Variants in RANBP2 observed in about 807,000 individuals in gnomAD.
The protein encoded by RANBP2 is RAN binding protein 2, also known as E3 SUMO-protein ligase RanBP2.
A neutral mutation model predicts 303.6 loss-of-function variants in RANBP2; 57 were observed. That is an observed-to-expected ratio of 0.19 (90% confidence interval 0.15 to 0.23). RANBP2 has a LOEUF of 0.23. Among genes scored for constraint, RANBP2 ranks in the 10% least tolerant of loss-of-function variants. The pLI is 1.00. For synonymous variants in RANBP2, 1,167 were observed against 1,301.5 expected, an observed-to-expected ratio of 0.90 and a Z score of 2.23; for missense variants, 3,138 against 3,780.8, an observed-to-expected ratio of 0.83 and a Z score of 4.46.
chr2:109,652,591 G>A, the RANBP2 span, among the ~76,000 whole-genome samples: 1 of 152,118 alleles, frequency 6.6e-6, no homozygotes, highest in African/African-American at 2.4e-5. Context: ...AGGAAGTCAC[G>A]TTTCACACGA....
the RANBP2 span, among the ~76,000 whole-genome samples, chr2:108,981,662 T>C: frequency 6.6e-6 from 1 of 152,040 alleles, no homozygotes; most frequent in Admixed American, 6.5e-5. Context: ...ACACCCGAGA[T>C]AGTTATGATA....
the RANBP2 span, among the ~76,000 whole-genome samples, chr2:109,596,296 A>G: frequency 6.6e-6 from 1 of 152,254 alleles, no homozygotes; most frequent in East Asian, 1.9e-4. Context: ...CTTAGTGTTG[A>G]TAAGTAAAAT....
At chr2:109,432,550 C>G in the RANBP2 span, 1 of 1,613,698 alleles carries the variant, frequency 6.2e-7, no homozygotes, top group African/African-American at 1.3e-5. Context: ...CGAGCTGGAG[C>G]TGCACAAGGG....
the RANBP2 span, among the ~76,000 whole-genome samples, chr2:109,223,805 A>G: frequency 1.4e-4 from 22 of 152,330 alleles, no homozygotes; most frequent in East Asian, 1.7e-3. Context: ...AAAGTGTTCA[A>G]TACATGTTTG....
chr2:108,773,087 C>A, intron 23 of RANBP2, 41 bp downstream of exon 23: 1 of 1,553,536 alleles, frequency 6.4e-7, no homozygotes, highest in Non-Finnish European at 8.8e-7. Context: ...AGTTCCATTG[C>A]CTTTGTTGAT....
At chr2:109,393,420 A>G in the RANBP2 span, among the ~76,000 whole-genome samples, 1 of 152,150 alleles carries the variant, frequency 6.6e-6, no homozygotes, top group Non-Finnish European at 1.5e-5. Context: ...AACAGCCCAC[A>G]CCTATTGAGC....
the RANBP2 span, among the ~76,000 whole-genome samples, chr2:109,259,940 A>G: frequency 6.6e-6 from 1 of 152,190 alleles, no homozygotes; most frequent in Admixed American, 6.5e-5. Flanking sequence ...TCTGCAGATG[A>G]TATCCATGTT....
chr2:109,253,062 C>G, the RANBP2 span, among the ~76,000 whole-genome samples: 1 of 151,900 alleles, frequency 6.6e-6, no homozygotes, highest in African/African-American at 2.4e-5. Flanking sequence ...GAGTCTTGCT[C>G]TGTTGCCCAG....
chr2:108,821,933 A>AC, the RANBP2 span, among the ~76,000 whole-genome samples: 4 of 151,696 alleles, frequency 2.6e-5, no homozygotes, highest in Admixed American at 2.0e-4. Flanking sequence ...TGTCTCAAAA[A>AC]AAAAAAAAAA....
the RANBP2 span, among the ~76,000 whole-genome samples, chr2:109,181,941 G>A: frequency 6.6e-6 from 1 of 152,146 alleles, no homozygotes; most frequent in Non-Finnish European, 1.5e-5. Context: ...GGCTGTAAGG[G>A]CCTTGAATGA....
At chr2:109,466,341 A>G in the RANBP2 span, among the ~76,000 whole-genome samples, 1 of 152,076 alleles carries the variant, frequency 6.6e-6, no homozygotes, top group African/African-American at 2.4e-5. Flanking sequence ...TCGGCCTCCC[A>G]AAGTGCTGGG....
At chr2:108,721,166 A>C (rs1270008617) in intron 1 of RANBP2, among the ~76,000 whole-genome samples, 1 of 152,342 alleles carries the variant, frequency 6.6e-6, no homozygotes, top group East Asian at 1.9e-4. Context: ...CGCTTCCAGC[A>C]GCCCTGTGGA....
the RANBP2 span, among the ~76,000 whole-genome samples, chr2:109,156,886 T>C: frequency 4.6e-5 from 7 of 152,248 alleles, no homozygotes; most frequent in African/African-American, 1.4e-4. Context: ...GATTTATTGC[T>C]AATGGCTAAT....
At chr2:109,544,536 A>C in the RANBP2 span, 1 of 983,800 alleles carries the variant, frequency 1.0e-6, no homozygotes, top group Non-Finnish European at 1.2e-6. Flanking sequence ...TTTGCAAACA[A>C]CAGCAGGGTT....
At chr2:109,436,490 G>A in the RANBP2 span, among the ~76,000 whole-genome samples, 1 of 152,190 alleles carries the variant, frequency 6.6e-6, no homozygotes, top group Non-Finnish European at 1.5e-5. Flanking sequence ...GGGGGCCCGC[G>A]TCCTTGCCAT....
At chr2:108,725,480 G>C (rs1262440116) in intron 1 of RANBP2, among the ~76,000 whole-genome samples, 4 of 152,210 alleles carry the variant, frequency 2.6e-5, no homozygotes, top group Non-Finnish European at 5.9e-5. Context: ...AGGGGGAACT[G>C]GCTGGGCTCA....
At chr2:108,986,312 C>G in the RANBP2 span, among the ~76,000 whole-genome samples, 1 of 152,126 alleles carries the variant, frequency 6.6e-6, no homozygotes, top group African/African-American at 2.4e-5. Context: ...TCCTCTTGAT[C>G]CCTCGCCTCT....
the RANBP2 span, among the ~76,000 whole-genome samples, chr2:109,085,065 G>A: frequency 6.6e-6 from 1 of 152,212 alleles, no homozygotes; most frequent in South Asian, 2.1e-4. Flanking sequence ...GAACAACACG[G>A]GTCCACCTCC....
chr2:109,529,502 G>C, the RANBP2 span, among the ~76,000 whole-genome samples: 1 of 152,214 alleles, frequency 6.6e-6, no homozygotes, highest in African/African-American at 2.4e-5. Flanking sequence ...ACCACAAAGG[G>C]AGGTGTTTCA....
Sources: allele counts gnomAD v4.1 joint callset (sites outside exome capture counted in the v4.1 genomes callset), GRCh38; gene constraint gnomAD v4.1.1; transcripts MANE v1.5; gene names NCBI Gene and HGNC (gene_info 2026-07-23, HGNC 2026-07-21).